The following FAM135B variants were observed in gnomAD, a reference collection of about 807,000 sequenced individuals.
FAM135B encodes the protein protein FAM135B.
Under a neutral mutation model 127.7 loss-of-function variants are expected in FAM135B, and 43 were observed. That is an observed-to-expected ratio of 0.34 (90% CI 0.26 to 0.43). The LOEUF is 0.43. Among genes scored for constraint, FAM135B ranks in the 20% least tolerant of loss-of-function variants. The pLI is 1.00. For missense variants in FAM135B, 1,558 were observed against 1,725.6 expected (o/e 0.90, Z 1.72); for synonymous variants, 670 against 665.1 (o/e 1.01, Z -0.11).
At chr8:138,222,937 G>C (rs187215990) in intron 7 of FAM135B, among the ~76,000 whole-genome samples, 84 of 152,272 alleles carry the variant, frequency 5.5e-4, no homozygotes, top group Admixed American at 1.5e-3. Flanking sequence ...TGAGACAATG[G>C]AATGGACAAG....
intron 2 of FAM135B, among the ~76,000 whole-genome samples, chr8:138,356,339 G>A (rs10505700): frequency 0.032 from 4,898 of 152,052 alleles, 157 homozygotes; most frequent in East Asian, 0.17. Flanking sequence ...CTAGAGTCTA[G>A]GCATCCAAGA....
intron 3 of FAM135B, among the ~76,000 whole-genome samples, chr8:138,302,635 CA>C (rs1361312287): frequency 6.6e-6 from 1 of 152,184 alleles, no homozygotes; most frequent in Admixed American, 6.5e-5. Context: ...CAGGACACCA[CA>C]AGTCAGTTGT....
intron 3 of FAM135B, among the ~76,000 whole-genome samples, chr8:138,283,403 A>T (rs540539562): frequency 1.4e-5 from 2 of 145,530 alleles, no homozygotes; most frequent in South Asian, 4.6e-4. Flanking sequence ...TCTGAAAAAG[A>T]CAAAACTATG....
chr8:138,410,926 T>G (rs967278769), intron 1 of FAM135B, among the ~76,000 whole-genome samples: 36 of 151,610 alleles, frequency 2.4e-4, no homozygotes, highest in Non-Finnish European at 7.4e-5. Flanking sequence ...GGAATCCAAC[T>G]TACAAGGGAT....
chr8:138,272,531 T>C (rs1345901905), intron 3 of FAM135B, among the ~76,000 whole-genome samples: 1 of 152,238 alleles, frequency 6.6e-6, no homozygotes, highest in Non-Finnish European at 1.5e-5. Flanking sequence ...AGAAAGGCTG[T>C]TGCTGCTATT....
At chr8:138,445,716 A>T (rs1836110082) in intron 1 of FAM135B, among the ~76,000 whole-genome samples, 1 of 152,128 alleles carries the variant, frequency 6.6e-6, no homozygotes, top group Admixed American at 6.6e-5. Context: ...GGACAAGAAC[A>T]GGAAGCATTC....
chr8:138,313,198 C>T (rs1395478825), intron 2 of FAM135B, among the ~76,000 whole-genome samples: 1 of 152,130 alleles, frequency 6.6e-6, no homozygotes, highest in Non-Finnish European at 1.5e-5. Context: ...GTGGTGCGAT[C>T]TCGGCTCACT....
chr8:138,180,846 G>T (rs564141862), intron 9 of FAM135B, among the ~76,000 whole-genome samples: 1 of 152,168 alleles, frequency 6.6e-6, no homozygotes, highest in Non-Finnish European at 1.5e-5. Flanking sequence ...ATTTTCTTCT[G>T]ATGGAAGCTT....
intron 1 of FAM135B, among the ~76,000 whole-genome samples, chr8:138,377,311 C>T (rs1350341943): frequency 6.6e-6 from 1 of 152,198 alleles, no homozygotes; most frequent in Non-Finnish European, 1.5e-5. Flanking sequence ...AGAGACCTCT[C>T]ATGTACAGAG....
Position 138,145,944 on chromosome 8 carries a change from T to C in FAM135B, c.3540+15A>G. 1 of 1,419,472 alleles carries C rather than the reference T, an allele frequency of 7.0e-7. No homozygotes were observed. Among genetic ancestry groups the C allele is most frequent in the Non-Finnish European group, 1.0e-6 (1 of 1,005,004 alleles). 87.9% of individuals were successfully genotyped at this position (1,419,472 alleles called of 1,614,324 possible). A position where few individuals can be genotyped will look rare whatever the true frequency, so the allele number is the denominator to read the frequency against. ...ATCCAGGGTTCTTCCAGTTCTGATATTTGTATCATCATACCTGATTCTTTT... is the reference window on the plus strand; with the variant it reads ...ATCCAGGGTTCTTCCAGTTCTGATACTTGTATCATCATACCTGATTCTTTT... On this transcript the variant is annotated intron_variant, in intron 15 of 19. Coordinates refer to ENST00000395297, the MANE Select transcript of FAM135B (RefSeq NM_015912.4).
At position 138,430,880 on chromosome 8, in the gene FAM135B, AT is replaced by A. The variant is rs1835155162; in HGVS notation, c.-19-62879del. 2.6e-5 allele frequency among the ~76,000 whole-genome samples: 4 copies of A among 152,262 alleles called. No individual in the cohort carries two copies. In the South Asian group the frequency reaches 8.3e-4, roughly 32 times the overall value. Reference sequence around the variant, plus strand: ...TCAGCTGTATGTCCATGGATAGGTTATTTCACCTCTGAGCCTCAGTTTCCTC... The same window carrying A: ...TCAGCTGTATGTCCATGGATAGGTTATTCACCTCTGAGCCTCAGTTTCCTC... On this transcript the variant is annotated intron_variant, in intron 1 of 19. Transcript: ENST00000395297.
chr8:138,295,191 C>T (rs1327210130), intron 3 of FAM135B, among the ~76,000 whole-genome samples: 1 of 132,126 alleles, frequency 7.6e-6, no homozygotes, highest in Non-Finnish European at 1.5e-5. Flanking sequence ...TGACGTCTAG[C>T]TCATAAAGAC....
intron 1 of FAM135B, among the ~76,000 whole-genome samples, chr8:138,383,061 A>G (rs1336145531): frequency 6.6e-6 from 1 of 152,128 alleles, no homozygotes; most frequent in African/African-American, 2.4e-5. Flanking sequence ...CATTTGAATG[A>G]TCATAGAGTA....
rs2131217715 is a variant in FAM135B at position 138,367,979 on chromosome 8, G to A, written c.5C>T (p.Ser2Phe). The A allele has an allele frequency of 1.2e-6, 2 of 1,613,580 alleles. No individual in the cohort carries two copies. Among genetic ancestry groups the A allele is most frequent in the Non-Finnish European group, 1.7e-6 (2 of 1,179,730 alleles). The change falls in exon 2 of 20, where the codon TCT (serine) becomes TTT (phenylalanine). Residue 2 changes from serine (S) to phenylalanine (F), a missense_variant. Ser to Phe is a radical substitution (Grantham distance 155, BLOSUM62 -2). Around this residue, in one of 5 missense-constraint regions of FAM135B, gnomAD observed 199 missense variants for 245.7 expected, o/e 0.81. Transcript: ENST00000395297. M[S>F]EIQGTVEFSV... ...AAACTCAACCGTTCCTTGTATTTCA[G>A]ACATGATCTTTTTGGCTCATTACCT...
intron 2 of FAM135B, among the ~76,000 whole-genome samples, chr8:138,364,738 T>G (rs1226567687): frequency 6.6e-6 from 1 of 152,138 alleles, no homozygotes; most frequent in East Asian, 1.9e-4. Flanking sequence ...ACAATTATCC[T>G]CATATATAAT....
intron 12 of FAM135B, among the ~76,000 whole-genome samples, chr8:138,159,078 C>T (rs1335423061): frequency 6.7e-6 from 1 of 149,938 alleles, no homozygotes; most frequent in African/African-American, 2.5e-5. Context: ...CGAGACCATC[C>T]TGGCTAACAA....
intron 7 of FAM135B, among the ~76,000 whole-genome samples, chr8:138,221,975 A>G (rs1164479683): frequency 6.6e-6 from 1 of 152,248 alleles, no homozygotes; most frequent in Non-Finnish European, 1.5e-5. Context: ...ACATGTAAAG[A>G]GAAAAATCAA....
rs573313372 is a variant in FAM135B, at chr8:138,215,776, G to A, written c.670-18107C>T. 4.6e-5 allele frequency among the ~76,000 whole-genome samples: 7 copies of A among 152,250 alleles called. No homozygotes were observed. The South Asian group carries it at 1.0e-3, about 23-fold the overall frequency. On this transcript the variant is annotated intron_variant, in intron 7 of 19. Transcript: ENST00000395297. ...AGGTTGCATGGGCACTCCATTCTCC[G>A]CACCCTCCTCCCACCCATGAATGGC...
At chr8:138,177,456 T>C (rs779706209) in intron 10 of FAM135B, 36 bp from the exon 11 acceptor site, 2 of 1,558,224 alleles carry the variant, frequency 1.3e-6, no homozygotes, top group Admixed American at 1.7e-5. Context: ...TTCAATTCTT[T>C]AGGTAGGTAT....
Sources: allele counts gnomAD v4.1 joint callset (sites outside exome capture counted in the v4.1 genomes callset), GRCh38; gene constraint gnomAD v4.1.1; regional missense constraint gnomAD v4.1.1; transcripts MANE v1.5; gene names NCBI Gene and HGNC (gene_info 2026-07-23, HGNC 2026-07-21).